Variants in KLHL32 observed in about 807,000 individuals in gnomAD.
The protein encoded by KLHL32 is kelch like family member 32.
Under a neutral mutation model 64.8 loss-of-function variants are expected in KLHL32, and 35 were observed. The observed-to-expected ratio is 0.54, with a 90% CI of 0.41 to 0.72. KLHL32 has a LOEUF of 0.72. Ranked by LOEUF, KLHL32 falls within the 30% of genes least tolerant of loss-of-function variation. The pLI is 0.00. For synonymous variants in KLHL32, 259 were observed against 281.0 expected (o/e 0.92, Z 0.78); for missense variants, 589 against 768.5 (o/e 0.77, Z 2.76).
chr6:97,041,069 C>T (rs958702734), intron 3 of KLHL32, among the ~76,000 whole-genome samples: 1 of 152,176 alleles, frequency 6.6e-6, no homozygotes, highest in African/African-American at 2.4e-5. Context: ...ATGAGAGGAA[C>T]TAGCTGTTTC....
chr6:97,082,339 A>T lies in KLHL32; in HGVS notation c.412-2787A>T, dbSNP rs117130336. On this transcript the variant is annotated intron_variant, in intron 5 of 10. Coordinates refer to ENST00000369261, the MANE Select transcript of KLHL32 (RefSeq NM_052904.4). ...TAAAATAAGCTCAGTTTAGGCTGGG[A>T]GCGGTGGCTCACACCTGTAATCCCA... Among the ~76,000 whole-genome samples the T allele has an allele frequency of 3.3e-5, 5 of 152,034 alleles. No individual in the cohort carries two copies. In the East Asian group the frequency reaches 9.7e-4, roughly 29 times the overall value.
intron 2 of KLHL32, among the ~76,000 whole-genome samples, chr6:96,969,024 C>T (rs1260559960): frequency 6.6e-6 from 1 of 152,168 alleles, no homozygotes; most frequent in Non-Finnish European, 1.5e-5. Context: ...CTCTTCCTAA[C>T]TGTAGTCGGG....
At chr6:97,134,677 T>C (rs1344162947) in intron 10 of KLHL32, among the ~76,000 whole-genome samples, 1 of 152,200 alleles carries the variant, frequency 6.6e-6, no homozygotes, top group East Asian at 1.9e-4. Context: ...CTACTAGTTT[T>C]AGTATCAGAT....
chr6:97,049,355 G>A (rs1786464284), intron 4 of KLHL32, among the ~76,000 whole-genome samples: 1 of 152,126 alleles, frequency 6.6e-6, no homozygotes, highest in African/African-American at 2.4e-5. Context: ...AGGGCTACTA[G>A]GTTACTAACA....
intron 4 of KLHL32, among the ~76,000 whole-genome samples, chr6:97,056,106 C>CTTTTTT (rs1171932769): frequency 2.4e-5 from 2 of 85,072 alleles, no homozygotes; most frequent in Non-Finnish European, 4.6e-5. Context: ...CTTTTTTTTT[C>CTTTTTT]TTTTTTTTTT....
At chr6:97,043,744 A>G (rs1785485570) in intron 4 of KLHL32, among the ~76,000 whole-genome samples, 1 of 151,928 alleles carries the variant, frequency 6.6e-6, no homozygotes. Flanking sequence ...TTTTTTTTAT[A>G]GTAGGGGTGA....
chr6:97,110,146 T>C (rs1210628201), intron 6 of KLHL32, among the ~76,000 whole-genome samples: 1 of 152,214 alleles, frequency 6.6e-6, no homozygotes, highest in Non-Finnish European at 1.5e-5. Flanking sequence ...GACCTGGTGA[T>C]TGATGAGTAC....
At chr6:96,995,231 A>G (rs549087225) in intron 3 of KLHL32, among the ~76,000 whole-genome samples, 243 of 152,300 alleles carry the variant, frequency 1.6e-3, no homozygotes, top group African/African-American at 5.5e-3. Flanking sequence ...ATTCCTGGTC[A>G]TGTTCTGCCT....
chr6:97,048,504 G>A (rs1786288707), intron 4 of KLHL32, among the ~76,000 whole-genome samples: 1 of 152,100 alleles, frequency 6.6e-6, no homozygotes, highest in Non-Finnish European at 1.5e-5. Flanking sequence ...ACTCTGTTAA[G>A]GGAAAAATTA....
chr6:97,022,396 C>T (rs527318271), intron 3 of KLHL32, among the ~76,000 whole-genome samples: 10 of 150,750 alleles, frequency 6.6e-5, no homozygotes, highest in African/African-American at 2.5e-4. Context: ...TCCTTGCCCT[C>T]TGCAGGTCTT....
At chr6:97,008,208 G>A (rs753735011) in intron 3 of KLHL32, among the ~76,000 whole-genome samples, 13 of 152,138 alleles carry the variant, frequency 8.5e-5, no homozygotes, top group East Asian at 3.9e-4. Context: ...GGGGAAGACC[G>A]TGGCAGCCCT....
At chr6:97,100,805 T>C (rs2128195836) in intron 6 of KLHL32, among the ~76,000 whole-genome samples, 1 of 144,740 alleles carries the variant, frequency 6.9e-6, no homozygotes, top group Non-Finnish European at 1.5e-5. Flanking sequence ...TATTCTTTTT[T>C]TTTTTTTTTT....
At chr6:97,123,120 G>A (rs771195088) in intron 7 of KLHL32, among the ~76,000 whole-genome samples, 7 of 151,798 alleles carry the variant, frequency 4.6e-5, no homozygotes, top group Non-Finnish European at 8.8e-5. Context: ...ATTTTTTGTC[G>A]TTAAAAAAAA....
chr6:97,022,370 A>G (rs935941311), intron 3 of KLHL32, among the ~76,000 whole-genome samples: 1 of 150,578 alleles, frequency 6.6e-6, no homozygotes, highest in African/African-American at 2.5e-5. Flanking sequence ...TCCTCTAGAT[A>G]GCTACATGAC....
chr6:97,106,342 T>C (rs1322336305), intron 6 of KLHL32, among the ~76,000 whole-genome samples: 1 of 152,174 alleles, frequency 6.6e-6, no homozygotes, highest in Non-Finnish European at 1.5e-5. Context: ...CTCTGTAGAG[T>C]AGCAATCAGT....
chr6:96,933,826 G>A (rs1221796881), intron 1 of KLHL32, among the ~76,000 whole-genome samples: 1 of 152,148 alleles, frequency 6.6e-6, no homozygotes, highest in Non-Finnish European at 1.5e-5. Context: ...TCACAGATCA[G>A]TACTGAAAAT....
chr6:97,041,333 G>A (rs115973794), intron 3 of KLHL32, among the ~76,000 whole-genome samples, 159 bp from the exon 4 acceptor site: 203 of 152,322 alleles, frequency 1.3e-3, no homozygotes, highest in African/African-American at 4.7e-3. Context: ...AAAATGATTT[G>A]CAGTGGTTTG....
chr6:97,092,098 T>C (rs910235029), intron 6 of KLHL32, among the ~76,000 whole-genome samples: 1 of 151,904 alleles, frequency 6.6e-6, no homozygotes, highest in Non-Finnish European at 1.5e-5. Flanking sequence ...CAAGTGATTC[T>C]CCAGCCTCCG....
chr6:96,916,586 T>C, the KLHL32 span, among the ~76,000 whole-genome samples: 3 of 152,220 alleles, frequency 2.0e-5, no homozygotes, highest in African/African-American at 7.2e-5. Flanking sequence ...CGTGAGTCCT[T>C]GGGTCAAACT....
Sources: allele counts gnomAD v4.1 joint callset (sites outside exome capture counted in the v4.1 genomes callset), GRCh38; gene constraint gnomAD v4.1.1; transcripts MANE v1.5; gene names NCBI Gene and HGNC (gene_info 2026-07-23, HGNC 2026-07-21).